DST: variants seen among roughly 807,000 people sequenced by gnomAD.
DST encodes the protein bullous pemphigoid antigen.
Under a neutral mutation model 875.2 loss-of-function variants are expected in DST, and 253 were observed. The observed-to-expected ratio is 0.29, with a 90% confidence interval of 0.26 to 0.32. DST has a LOEUF of 0.32. Ranked by LOEUF, DST falls within the 10% of genes least tolerant of loss-of-function variation. DST has a pLI of 1.00. For synonymous variants in DST, 3,124 were observed against 3,197.1 expected (o/e 0.98, Z 0.77); for missense variants, 8,287 against 9,111.6 (o/e 0.91, Z 3.68).
At position 56,701,982 on chromosome 6, in the gene DST, G is replaced by C; in HGVS notation, c.877-17C>G. ...TTCTCTGGGCTAAGAACAGAAAAAT[G>C]CAGGTATGAAAAAGAGTTTCTGTTA... On this transcript the variant is annotated splice_polypyrimidine_tract_variant and intron_variant, in intron 7 of 103. Coordinates refer to ENST00000680361, the MANE Select transcript of DST (RefSeq NM_001374736.1). The C allele has an allele frequency of 6.5e-7, 1 of 1,541,978 alleles. No homozygotes were observed. The highest frequency in any genetic ancestry group is 8.9e-7 in the Non-Finnish European group (1 of 1,117,692).
At chr6:56,618,293 C>G (rs775933905) in intron 36 of DST, 6 of 1,613,976 alleles carry the variant, frequency 3.7e-6, no homozygotes, top group Non-Finnish European at 5.1e-6. Flanking sequence ...TTCTTGAGTC[C>G]ATCTCAACAG....
chr6:56,916,778 T>TCTCTCTCTCTCTCTCA (rs1470233953), intron 2 of DST, among the ~76,000 whole-genome samples: 86 of 91,340 alleles, frequency 9.4e-4, no homozygotes, highest in African/African-American at 4.2e-3. Context: ...TCTCTCTCTC[T>TCTCTCTCTCTCTCTCA]CACACACACA....
intron 5 of DST, among the ~76,000 whole-genome samples, chr6:56,718,074 C>T (rs577253180): frequency 0.014 from 2,048 of 142,276 alleles, 21 homozygotes; most frequent in Non-Finnish European, 0.022. Flanking sequence ...GAAACCTTGT[C>T]TTAAATAAAT....
intron 71 of DST, 126 bp downstream of exon 71, chr6:56,517,072 A>T: frequency 1.4e-6 from 1 of 729,146 alleles, no homozygotes. Context: ...TGCCTTATTT[A>T]AACTAATTAT....
intron 15 of DST, among the ~76,000 whole-genome samples, chr6:56,643,808 T>G (rs2098926807): frequency 6.6e-6 from 1 of 152,212 alleles, no homozygotes; most frequent in South Asian, 2.1e-4. Flanking sequence ...AGATCAAGTG[T>G]GAGAGTGCCA....
At chr6:56,653,548 G>GA (rs2098987673) in intron 10 of DST, among the ~76,000 whole-genome samples, 1 of 152,024 alleles carries the variant, frequency 6.6e-6, no homozygotes, top group Non-Finnish European at 1.5e-5. Flanking sequence ...AGCCAGGCGT[G>GA]ATGGCAGGCG....
chr6:56,606,143 G>A lies in DST; in HGVS notation c.8485C>T (p.Gln2829Ter), dbSNP rs1314301705. The part of the protein sequence containing the change: ...IRDENGKPRC[Q>*]NVAEDMDIQL... ...ATATCCATATCTTCAGCCACATTTT[G>A]GCACCTGGGCTTTCCATTCTCATCT... is the stretch of plus-strand genomic sequence containing the variant. Residue 2829 changes from glutamine (Q) to a stop codon, truncating the protein, a stop_gained, in exon 40 of 104, where the codon CAA (glutamine) becomes TAA (stop). Coordinates refer to ENST00000680361, the MANE Select transcript of DST (RefSeq NM_001374736.1). LOFTEE classifies it high-confidence loss of function. 6.2e-7 allele frequency: 1 copy of A among 1,610,600 alleles called. No homozygotes were observed.
At chr6:56,843,714 G>C in intron 4 of DST, 1 of 344,718 alleles carries the variant, frequency 2.9e-6, no homozygotes, top group South Asian at 1.0e-4. Flanking sequence ...GAGGAGGGTG[G>C]AGGGTGGAGG....
chr6:56,522,330 G>C (rs1435820227), intron 69 of DST, among the ~76,000 whole-genome samples: 1 of 152,086 alleles, frequency 6.6e-6, no homozygotes, highest in East Asian at 1.9e-4. Flanking sequence ...AGATTCTAAC[G>C]AAGGTGGTCT....
chr6:56,599,535 A>C (rs2098423319), intron 45 of DST, among the ~76,000 whole-genome samples: 1 of 152,108 alleles, frequency 6.6e-6, no homozygotes, highest in Admixed American at 6.6e-5. Flanking sequence ...TTATAAAGCT[A>C]ACAATGTATA....
chr6:56,675,236 C>T (rs1187807311), intron 9 of DST, among the ~76,000 whole-genome samples: 1 of 152,146 alleles, frequency 6.6e-6, no homozygotes. Context: ...CCTTATCTCA[C>T]ACCATATACA....
At chr6:56,523,625 T>G (rs1562542983) in intron 69 of DST, among the ~76,000 whole-genome samples, 2 of 152,168 alleles carry the variant, frequency 1.3e-5, no homozygotes, top group Non-Finnish European at 2.9e-5. Context: ...GAGGTATATC[T>G]GTATATATGC....
intron 2 of DST, among the ~76,000 whole-genome samples, chr6:56,907,068 A>G (rs1796752844): frequency 6.6e-6 from 1 of 152,194 alleles, no homozygotes; most frequent in South Asian, 2.1e-4. Context: ...AGACTCAGTG[A>G]ATTCAAATTT....
intron 75 of DST, among the ~76,000 whole-genome samples, chr6:56,508,095 C>T (rs2096382113): frequency 6.6e-6 from 1 of 152,280 alleles, no homozygotes; most frequent in African/African-American, 2.4e-5. Context: ...AGTATAGTGG[C>T]ACGATCTTGG....
intron 12 of DST, 68 bp from the exon 13 acceptor site, chr6:56,648,757 A>T (rs1314022892): frequency 6.1e-6 from 8 of 1,308,468 alleles, no homozygotes; most frequent in Non-Finnish European, 6.2e-6. Context: ...AAGACAATTT[A>T]GTCAGAAGTC....
At chr6:56,893,806 G>C (rs1205061052) in intron 3 of DST, among the ~76,000 whole-genome samples, 1 of 39,292 alleles carries the variant, frequency 2.5e-5, no homozygotes, top group East Asian at 4.7e-4. Context: ...GACTCTCAAC[G>C]AGCATGCTGC....
rs139126309 is a variant in DST at position 56,647,643 on chromosome 6, C to T, written c.1554+927G>A. Among the ~76,000 whole-genome samples, 13 of 151,424 alleles carry T rather than the reference C, an allele frequency of 8.6e-5. No individual in the cohort carries two copies. The East Asian group carries it at 1.7e-3, about 20-fold the overall frequency. On this transcript the variant is annotated intron_variant, in intron 13 of 103. Transcript: ENST00000680361. ...AAAACCAAATATACAAATGAGACAA[C>T]TTACTCTTTAATAAGTTTACATATT... is the stretch of plus-strand genomic sequence containing the variant.
At chr6:56,730,909 A>G (rs1053107793) in intron 5 of DST, among the ~76,000 whole-genome samples, 2 of 152,242 alleles carry the variant, frequency 1.3e-5, no homozygotes, top group Non-Finnish European at 2.9e-5. Context: ...TACATCTGGA[A>G]AAAAGCCACG....
intron 10 of DST, among the ~76,000 whole-genome samples, chr6:56,666,428 T>TA (rs1340668286): frequency 6.6e-6 from 1 of 152,134 alleles, no homozygotes; most frequent in Non-Finnish European, 1.5e-5. Flanking sequence ...TGCTTTTAAG[T>TA]AAAAAATATA....
Sources: gnomAD v4.1 joint callset for allele counts (sites outside exome capture counted in the v4.1 genomes callset) on GRCh38, gnomAD v4.1.1 for gene constraint, MANE v1.5 for transcripts, NCBI Gene and HGNC (gene_info 2026-07-23, HGNC 2026-07-21) for gene names.